FAM131C: variants seen among roughly 807,000 people sequenced by gnomAD.
FAM131C encodes family with sequence similarity 131 member C.
FAM131C carries 14 observed loss-of-function variants against 29.8 expected under a neutral mutation model. The ratio of observed to expected loss-of-function variants is 0.47; its 90% CI spans 0.31 to 0.73. FAM131C has a LOEUF of 0.73. FAM131C is among the 30% of genes least tolerant of loss of function. The probability of loss-of-function intolerance (pLI) is 0.05; values close to 1 mark genes in which losing one functional copy is unlikely to be tolerated. For missense variants in FAM131C, 252 were observed against 383.8 expected, an observed-to-expected ratio of 0.66 and a Z score of 2.87; for synonymous variants, 86 against 157.8, an observed-to-expected ratio of 0.54 and a Z score of 3.41.
intron 1 of FAM131C, among the ~76,000 whole-genome samples, chr1:16,065,383 C>T (rs1383540152): frequency 6.6e-6 from 1 of 152,252 alleles, no homozygotes; most frequent in East Asian, 1.9e-4. Context: ...GGCATCCTCC[C>T]TCCCTGGAAG....
At chr1:16,071,017 C>T (rs2023742562) in intron 1 of FAM131C, among the ~76,000 whole-genome samples, 1 of 152,252 alleles carries the variant, frequency 6.6e-6, no homozygotes, top group African/African-American at 2.4e-5. Flanking sequence ...AAGCTCTGGG[C>T]TCAGTATGGG....
chr1:16,067,875 G>A (rs1167135356), intron 1 of FAM131C, among the ~76,000 whole-genome samples: 1 of 152,066 alleles, frequency 6.6e-6, no homozygotes, highest in Non-Finnish European at 1.5e-5. Context: ...CTGGGGCTCC[G>A]TGTCCCAACC....
chr1:16,073,014 A>G (rs1434267589), intron 1 of FAM131C, among the ~76,000 whole-genome samples: 3 of 152,032 alleles, frequency 2.0e-5, no homozygotes, highest in South Asian at 2.1e-4. Context: ...GTGAGCTGGT[A>G]AGACCTGTGT....
intron 2 of FAM131C, among the ~76,000 whole-genome samples, chr1:16,062,956 C>T (rs1362318631): frequency 2.0e-5 from 3 of 152,228 alleles, no homozygotes; most frequent in South Asian, 2.1e-4. Flanking sequence ...AGGGGTGTGC[C>T]GCTGGGGAGA....
In FAM131C at chr1:16,058,759, C is replaced by G. The variant is rs192079202; in HGVS notation, c.563-42G>C. The stretch of plus-strand genomic sequence containing the variant: ...GTGATGGGGGAATGGCGTCCCAGAT[C>G]CAGCTCCTCGCCCTCTCTGGGGGTG... On this transcript the variant is annotated intron_variant, in intron 6 of 6. Transcript: ENST00000375662. 6,230 of 1,445,690 alleles carry G rather than the reference C, an allele frequency of 4.3e-3. 71 individuals are homozygous for G. The highest frequency in any genetic ancestry group is 7.9e-3 in the Admixed American group (335 of 42,190). The allele number at this position is 1,445,690 out of a possible 1,614,324, so 89.6% of individuals were successfully genotyped here.
At chr1:16,062,725 T>G (rs1293305545) in intron 2 of FAM131C, among the ~76,000 whole-genome samples, 191 bp from the exon 3 acceptor site, 10 of 152,226 alleles carry the variant, frequency 6.6e-5, no homozygotes, top group Non-Finnish European at 1.5e-4. Flanking sequence ...GGGGCAACAG[T>G]GGTGCTGGGA....
intron 3 of FAM131C, 119 bp downstream of exon 3, chr1:16,062,380 G>GCCCCCCCCCCCCCC: frequency 2.2e-4 from 189 of 860,044 alleles, no homozygotes; most frequent in Non-Finnish European, 2.8e-4. Flanking sequence ...GTTTCATCAG[G>GCCCCCCCCCCCCCC]CCCCCCCCCC....
Position 16,062,507 on chromosome 1 carries a change from G to T in FAM131C, c.166C>A (p.Pro56Thr), listed in dbSNP as rs2023616703. The part of the protein sequence containing the change: ...KDKQMDFCWD[P>T]WQRCFQTTNG... ...CACACAAGTGCACTGACCTGCCAAG[G>T]ATCCCAACAGAAATCCATCTGTTTG... Residue 56 changes from proline to threonine, a missense_variant, in exon 3 of 7, where the codon CCT becomes ACT. Pro to Thr is a conservative substitution (Grantham distance 38, BLOSUM62 -1). Transcript: ENST00000375662. 6.3e-7 allele frequency: 1 copy of T among 1,582,656 alleles called. No individual in the cohort carries two copies. The highest frequency in any genetic ancestry group is 1.2e-5 in the South Asian group (1 of 86,756).
chr1:16,058,991 C>A (rs1395265395), intron 6 of FAM131C, among the ~76,000 whole-genome samples: 1 of 152,122 alleles, frequency 6.6e-6, no homozygotes, highest in African/African-American at 2.4e-5. Context: ...GTCCCCTCCC[C>A]GTCCCTCTTG....
intron 3 of FAM131C, 59 bp downstream of exon 3, chr1:16,062,440 T>G (rs1231700192): frequency 1.6e-5 from 22 of 1,348,876 alleles, no homozygotes; most frequent in African/African-American, 1.3e-4. Context: ...GCACAAAGGA[T>G]GGAGGGGCCG....
chr1:16,065,767 A>T (rs1304837702), intron 1 of FAM131C, among the ~76,000 whole-genome samples: 3 of 152,124 alleles, frequency 2.0e-5, no homozygotes, highest in Non-Finnish European at 4.4e-5. Flanking sequence ...GGCCTCCTCC[A>T]TCCTCCTCTC....
intron 3 of FAM131C, 112 bp downstream of exon 3, chr1:16,062,387 C>A (rs1014116872): frequency 1.5e-5 from 18 of 1,208,714 alleles, no homozygotes; most frequent in South Asian, 3.2e-5. Context: ...CAGGCCCCCC[C>A]CCCCCCCGCC....
At chr1:16,068,595 C>T (rs36109948) in intron 1 of FAM131C, among the ~76,000 whole-genome samples, 3 of 152,350 alleles carry the variant, frequency 2.0e-5, no homozygotes, top group African/African-American at 4.8e-5. Flanking sequence ...GGCCAGGCCT[C>T]GAGTGGACTG....
At chr1:16,065,442 GC>G (rs2023669770) in intron 1 of FAM131C, among the ~76,000 whole-genome samples, 1 of 152,224 alleles carries the variant, frequency 6.6e-6, no homozygotes, top group Non-Finnish European at 1.5e-5. Flanking sequence ...GGGACTTAAT[GC>G]TCTAGGCCAG....
chr1:16,064,730 G>A (rs182115146), intron 1 of FAM131C, among the ~76,000 whole-genome samples: 34 of 152,214 alleles, frequency 2.2e-4, no homozygotes, highest in African/African-American at 4.3e-4. Flanking sequence ...CTCGCTGGAC[G>A]TGCAGAGAGC....
chr1:16,071,764 C>G (rs1017844242), intron 1 of FAM131C, among the ~76,000 whole-genome samples: 1 of 152,158 alleles, frequency 6.6e-6, no homozygotes, highest in African/African-American at 2.4e-5. Context: ...GGAGGGAGCC[C>G]CAGGTGTGGG....
intron 2 of FAM131C, among the ~76,000 whole-genome samples, chr1:16,062,877 T>C (rs1350266076): frequency 2.0e-5 from 3 of 152,168 alleles, no homozygotes; most frequent in Middle Eastern, 3.2e-3. Context: ...TTCATTCACC[T>C]CATGAGTTGT....
intron 4 of FAM131C, among the ~76,000 whole-genome samples, chr1:16,061,497 C>T (rs1391420088): frequency 6.6e-6 from 1 of 152,136 alleles, no homozygotes; most frequent in African/African-American, 2.4e-5. Context: ...CCGCCCTGAG[C>T]TCCTGGGCAC....
chr1:16,062,390 C>CG (rs1553129302), intron 3 of FAM131C, 109 bp downstream of exon 3: 15 of 1,263,908 alleles, frequency 1.2e-5, no homozygotes, highest in South Asian at 1.6e-5. Context: ...GCCCCCCCCC[C>CG]CCCCGCCCCA....
Sources: allele counts gnomAD v4.1 joint callset (sites outside exome capture counted in the v4.1 genomes callset), GRCh38; gene constraint gnomAD v4.1.1; transcripts MANE v1.5; gene names NCBI Gene and HGNC (gene_info 2026-07-23, HGNC 2026-07-21).